Variants in TXLNG observed in about 807,000 individuals in gnomAD.
TXLNG encodes taxilin gamma.
Under a neutral mutation model 38.8 loss-of-function variants are expected in TXLNG, and 5 were observed. That is an observed-to-expected ratio of 0.13 (90% CI 0.07 to 0.27). TXLNG has a LOEUF of 0.27. Ranked by LOEUF, TXLNG falls within the 10% of genes least tolerant of loss-of-function variation. The pLI, the probability that TXLNG is intolerant of heterozygous loss-of-function variation, is 1.00. For synonymous variants in TXLNG, 182 were observed against 158.2 expected (o/e 1.15, Z -1.13); for missense variants, 393 against 398.2 (o/e 0.99, Z 0.11).
At chrX:16,803,812 C>T (rs1928210735) in intron 1 of TXLNG, among the ~76,000 whole-genome samples, 1 of 109,610 alleles carries the variant, frequency 9.1e-6, no homozygotes, top group African/African-American at 3.3e-5. Flanking sequence ...ATTAGCTGGG[C>T]ATGGTGGCGC....
intron 3 of TXLNG, among the ~76,000 whole-genome samples, chrX:16,824,507 A>G (rs948105009): frequency 8.9e-6 from 1 of 111,860 alleles, no homozygotes; most frequent in African/African-American, 3.2e-5. Flanking sequence ...ATATTTTTCA[A>G]ACCTTGAGTT....
intron 1 of TXLNG, among the ~76,000 whole-genome samples, chrX:16,806,086 C>G (rs1460578770): frequency 8.9e-6 from 1 of 112,270 alleles, no homozygotes; most frequent in Non-Finnish European, 1.9e-5. Context: ...ATTAAAATAG[C>G]CTTAGTGTAT....
At chrX:16,810,180 G>C (rs1163148700) in intron 1 of TXLNG, among the ~76,000 whole-genome samples, 3 of 111,904 alleles carry the variant, frequency 2.7e-5, no homozygotes, top group Non-Finnish European at 5.6e-5. Flanking sequence ...AGTTCTTACA[G>C]TAGTGCCTGG....
intron 1 of TXLNG, among the ~76,000 whole-genome samples, chrX:16,790,028 C>T (rs902327268): frequency 9.0e-6 from 1 of 110,582 alleles, no homozygotes; most frequent in Non-Finnish European, 1.9e-5. Flanking sequence ...AAACTCCTGA[C>T]CTCAGGTGAT....
At chrX:16,799,252 G>A (rs1255874182) in intron 1 of TXLNG, among the ~76,000 whole-genome samples, 1 of 111,014 alleles carries the variant, frequency 9.0e-6, no homozygotes, top group Admixed American at 9.7e-5. Context: ...TTCATCTGGC[G>A]ATGGATACTT....
chrX:16,799,764 C>G (rs188522759), intron 1 of TXLNG, among the ~76,000 whole-genome samples: 218 of 110,775 alleles, frequency 2.0e-3, no homozygotes, highest in African/African-American at 6.9e-3. Context: ...GAGCGAGACT[C>G]TGTCTCAAAA....
At chrX:16,788,732 A>G (rs752237654) in intron 1 of TXLNG, among the ~76,000 whole-genome samples, 4 of 101,804 alleles carry the variant, frequency 3.9e-5, no homozygotes, top group African/African-American at 7.3e-5. Flanking sequence ...CAGTGATGCA[A>G]TCTTGGCTCA....
At position 16,832,752 on chromosome X, in the gene TXLNG, AC is replaced by A; in HGVS notation, c.984+11del. The A allele has an allele frequency of 8.5e-7, 1 of 1,176,777 alleles. No individual in the cohort carries two copies. The highest frequency in any genetic ancestry group is 1.9e-5 in the South Asian group (1 of 52,002). Reference sequence around the variant, plus strand: ...GAGAGAGAGAGAGTTTGTAAGTTCTACTTCTTAAAAACAAAGACATTATTGC... The same window carrying A: ...GAGAGAGAGAGAGTTTGTAAGTTCTATTCTTAAAAACAAAGACATTATTGC... On this transcript the variant is annotated intron_variant, in intron 6 of 9. Transcript: ENST00000380122.
At chrX:16,839,717 A>G (rs1162915832) in intron 8 of TXLNG, 104 bp from the exon 9 acceptor site, 23 of 508,597 alleles carry the variant, frequency 4.5e-5, no homozygotes, top group Non-Finnish European at 1.3e-5. Context: ...AGGGAGGTGC[A>G]GGGATGGGGG....
At chrX:16,787,937 A>C (rs899517118) in intron 1 of TXLNG, among the ~76,000 whole-genome samples, 2 of 112,226 alleles carry the variant, frequency 1.8e-5, no homozygotes, top group Non-Finnish European at 3.8e-5. Flanking sequence ...CCTGTTTCTA[A>C]GGTCAGGTAT....
At chrX:16,798,886 C>T (rs962145055) in intron 1 of TXLNG, among the ~76,000 whole-genome samples, 8 of 103,667 alleles carry the variant, frequency 7.7e-5, no homozygotes, top group Non-Finnish European at 1.4e-4. Flanking sequence ...CCAGCATTTC[C>T]TTTTTTTTTT....
intron 1 of TXLNG, among the ~76,000 whole-genome samples, chrX:16,793,058 T>A (rs775028768): frequency 9.2e-5 from 10 of 108,111 alleles, no homozygotes; most frequent in Non-Finnish European, 1.5e-4. Flanking sequence ...GATCGTGCCA[T>A]TATACTCCAG....
rs1465284055 is a variant in TXLNG at position 16,843,671 on chromosome X, C to T, written c.*1905C>T. ...ATTAAGCCATTTGTGTAGCCCACCA[C>T]GTTTCTTTGTGGTGCTTGTCCTGTG... On this transcript the variant is annotated 3_prime_UTR_variant, in exon 10 of 10. Coordinates refer to ENST00000380122, the MANE Select transcript of TXLNG (RefSeq NM_018360.3). 1.8e-5 allele frequency: 2 copies of T among 112,160 alleles called. No homozygotes were observed. The highest frequency in any genetic ancestry group is 6.5e-5 in the African/African-American group (2 of 30,770). The allele number at this position is 112,160 out of a possible 1,213,427, so 9.2% of individuals were successfully genotyped here.
At chrX:16,796,700 G>C (rs1007842080) in intron 1 of TXLNG, among the ~76,000 whole-genome samples, 1 of 111,039 alleles carries the variant, frequency 9.0e-6, no homozygotes, top group African/African-American at 3.3e-5. Context: ...TCTTCTCCCT[G>C]TTCTCCTCCC....
intron 1 of TXLNG, among the ~76,000 whole-genome samples, chrX:16,796,803 C>T (rs773775978): frequency 1.8e-5 from 2 of 110,753 alleles, no homozygotes; most frequent in African/African-American, 6.6e-5. Context: ...CAGAGCTGGC[C>T]TTCTAGTCTC....
intron 9 of TXLNG, among the ~76,000 whole-genome samples, chrX:16,840,817 T>C (rs1375531544): frequency 8.9e-6 from 1 of 111,822 alleles, no homozygotes; most frequent in Non-Finnish European, 1.9e-5. Context: ...AGGAGAAATC[T>C]ATGTAGAAGT....
At chrX:16,790,973 G>A (rs1478884337) in intron 1 of TXLNG, among the ~76,000 whole-genome samples, 1 of 111,665 alleles carries the variant, frequency 9.0e-6, no homozygotes, top group Non-Finnish European at 1.9e-5. Flanking sequence ...TGCAACCTTG[G>A]GCAAGTTTCT....
chrX:16,799,931 T>C (rs759275443), intron 1 of TXLNG, among the ~76,000 whole-genome samples: 1 of 111,271 alleles, frequency 9.0e-6, no homozygotes, highest in South Asian at 3.8e-4. Flanking sequence ...CACTTGGGAA[T>C]AATTATCCAT....
chrX:16,830,194 TA>T (rs1318482349), intron 5 of TXLNG, among the ~76,000 whole-genome samples: 4 of 108,880 alleles, frequency 3.7e-5, no homozygotes, highest in African/African-American at 1.3e-4. Flanking sequence ...TTTTTTTTTT[TA>T]AATGAGGGCT....
Sources: gnomAD v4.1 joint callset for allele counts (sites outside exome capture counted in the v4.1 genomes callset) on GRCh38, gnomAD v4.1.1 for gene constraint, MANE v1.5 for transcripts, NCBI Gene and HGNC (gene_info 2026-07-23, HGNC 2026-07-21) for gene names.